The following WDR27 variants were observed in gnomAD, a reference collection of about 807,000 sequenced individuals.
WDR27 encodes WD repeat-containing protein 27.
Under a neutral mutation model 114.4 loss-of-function variants are expected in WDR27, and 100 were observed. The observed-to-expected ratio is 0.87, with a 90% CI of 0.74 to 1.03. The LOEUF (loss-of-function observed/expected upper bound fraction) is 1.03. WDR27 is among the 50% of genes least tolerant of loss of function. The pLI is 0.00. For synonymous variants in WDR27, 449 were observed against 423.1 expected, an observed-to-expected ratio of 1.06 and a Z score of -0.75; for missense variants, 1,129 against 1,092.9, an observed-to-expected ratio of 1.03 and a Z score of -0.47.
the WDR27 span, among the ~76,000 whole-genome samples, chr6:169,440,712 C>G: frequency 6.6e-6 from 1 of 152,128 alleles, no homozygotes; most frequent in Admixed American, 6.5e-5. Flanking sequence ...ATAACAAAAC[C>G]TGACTTAAGC....
chr6:169,481,462 C>T lies in WDR27; in HGVS notation c.2646-23828G>A, dbSNP rs529196228. The stretch of plus-strand genomic sequence containing the variant: ...AGCAACCTGCTCGGGTTCCCTTCCA[C>T]GCTGTGGAAACCTTGTTCTTTCACT... On this transcript the variant is annotated intron_variant, in intron 25 of 25. Transcript: ENST00000448612. Among the ~76,000 whole-genome samples, 9 of 152,342 alleles carry T rather than the reference C, an allele frequency of 5.9e-5. No homozygotes were observed. The South Asian group carries it at 8.3e-4, about 14-fold the overall frequency.
intron 21 of WDR27, among the ~76,000 whole-genome samples, chr6:169,621,203 C>T (rs570277220): frequency 7.2e-5 from 11 of 152,296 alleles, no homozygotes; most frequent in Non-Finnish European, 1.0e-4. Context: ...CACCCATGCA[C>T]GCTCGCATAT....
chr6:169,514,305 A>G (rs1244963032), intron 25 of WDR27, among the ~76,000 whole-genome samples: 1 of 151,328 alleles, frequency 6.6e-6, no homozygotes, highest in African/African-American at 2.4e-5. Context: ...CAAATAGAAA[A>G]GAGAAGTCAA....
At chr6:169,452,297 G>A (rs1784182402), downstream of WDR27, among the ~76,000 whole-genome samples, 1 of 152,232 alleles carries the variant, frequency 6.6e-6, no homozygotes, top group Admixed American at 6.5e-5. Flanking sequence ...TCTGGCGCAG[G>A]GCGCTCCTTG....
chr6:169,470,287 T>C (rs1037216531), intron 25 of WDR27, among the ~76,000 whole-genome samples: 1 of 152,198 alleles, frequency 6.6e-6, no homozygotes, highest in Non-Finnish European at 1.5e-5. Context: ...CTCTCCTGTT[T>C]CCTTTCAGAA....
At chr6:169,606,661 G>T (rs1008099908) in intron 22 of WDR27, among the ~76,000 whole-genome samples, 1 of 152,156 alleles carries the variant, frequency 6.6e-6, no homozygotes, top group African/African-American at 2.4e-5. Context: ...TTTTATGGTT[G>T]CCTAGTATTC....
At position 169,561,931 on chromosome 6, in the gene WDR27, A is replaced by T. The variant is rs986704888; in HGVS notation, c.2645+10488T>A. ...GAGTGGCTATATTAATATCGGACAA[A>T]GTATATTTCAAAGCAAAAAATATTC... On this transcript the variant is annotated intron_variant, in intron 25 of 25. Transcript: ENST00000448612. Among the ~76,000 whole-genome samples the T allele has an allele frequency of 2.6e-5, 4 of 152,248 alleles. No individual in the cohort carries two copies. The South Asian group carries it at 8.3e-4, about 32-fold the overall frequency.
chr6:169,582,324 A>T (rs954039499), intron 24 of WDR27, among the ~76,000 whole-genome samples: 1 of 152,190 alleles, frequency 6.6e-6, no homozygotes, highest in Non-Finnish European at 1.5e-5. Context: ...CTACATTTTA[A>T]TAGAAGACCA....
At chr6:169,527,168 T>A (rs1240220861) in intron 25 of WDR27, among the ~76,000 whole-genome samples, 2 of 151,742 alleles carry the variant, frequency 1.3e-5, no homozygotes, top group Admixed American at 1.3e-4. Flanking sequence ...TGAAAAGATA[T>A]GTTAACACAA....
intron 22 of WDR27, among the ~76,000 whole-genome samples, chr6:169,603,402 C>T (rs2128172334): frequency 6.6e-6 from 1 of 151,794 alleles, no homozygotes; most frequent in South Asian, 2.1e-4. Flanking sequence ...TTTTTACATT[C>T]TTTACTATTA....
the WDR27 span, among the ~76,000 whole-genome samples, chr6:169,429,121 C>T: frequency 6.6e-6 from 1 of 152,154 alleles, no homozygotes; most frequent in Admixed American, 6.5e-5. Context: ...CCCTTGTTTT[C>T]CAGCCCCAGG....
intron 21 of WDR27, among the ~76,000 whole-genome samples, chr6:169,624,314 C>T (rs745627814): frequency 3.3e-5 from 5 of 152,050 alleles, no homozygotes; most frequent in Non-Finnish European, 5.9e-5. Context: ...ATCAGGTGTG[C>T]GGCGTGTGGC....
At chr6:169,483,967 T>C (rs1186525685) in intron 25 of WDR27, among the ~76,000 whole-genome samples, 5 of 152,022 alleles carry the variant, frequency 3.3e-5, no homozygotes, top group Non-Finnish European at 7.4e-5. Context: ...TTAAATAAAA[T>C]TCAACATCCT....
At chr6:169,660,594 T>C in intron 10 of WDR27, 69 bp downstream of exon 10, 1 of 1,349,526 alleles carries the variant, frequency 7.4e-7, no homozygotes, top group Non-Finnish European at 1.1e-6. Flanking sequence ...CCACAAACAC[T>C]TACACTACCC....
chr6:169,521,305 G>A (rs992509364), intron 25 of WDR27, among the ~76,000 whole-genome samples: 15 of 151,872 alleles, frequency 9.9e-5, no homozygotes, highest in African/African-American at 1.9e-4. Context: ...GCTATCTTTC[G>A]AATATGAAGA....
intron 25 of WDR27, among the ~76,000 whole-genome samples, chr6:169,487,596 G>T (rs1026310029): frequency 5.3e-5 from 8 of 152,172 alleles, no homozygotes; most frequent in Non-Finnish European, 7.3e-5. Flanking sequence ...TGAGCCATGA[G>T]CCTCCCTCTA....
At chr6:169,578,323 A>G (rs376547806) in intron 24 of WDR27, among the ~76,000 whole-genome samples, 2 of 152,226 alleles carry the variant, frequency 1.3e-5, no homozygotes, top group South Asian at 2.1e-4. Context: ...GCACGGGCTT[A>G]TCTTCCAGAA....
At chr6:169,527,765 T>C (rs1348974193) in intron 25 of WDR27, among the ~76,000 whole-genome samples, 1 of 152,188 alleles carries the variant, frequency 6.6e-6, no homozygotes, top group Admixed American at 6.5e-5. Flanking sequence ...GTGTTACTGG[T>C]TTAAGCTGGT....
chr6:169,544,162 C>T (rs374306589), intron 25 of WDR27, among the ~76,000 whole-genome samples: 23 of 152,126 alleles, frequency 1.5e-4, no homozygotes, highest in Non-Finnish European at 2.8e-4. Flanking sequence ...ATTGGATGCT[C>T]TCCCCCTAAG....
Sources: allele counts gnomAD v4.1 joint callset (sites outside exome capture counted in the v4.1 genomes callset), GRCh38; gene constraint gnomAD v4.1.1; transcripts MANE v1.5; gene names NCBI Gene and HGNC (gene_info 2026-07-23, HGNC 2026-07-21).